PLOD1: variants seen among roughly 807,000 people sequenced by gnomAD.
The protein encoded by PLOD1 is lysine hydroxylase.
PLOD1 carries 70 observed loss-of-function variants against 94.7 expected under a neutral mutation model. That is an observed-to-expected ratio of 0.74 (90% CI 0.61 to 0.90). The LOEUF (loss-of-function observed/expected upper bound fraction) is 0.90, where lower values mean the gene tolerates loss of function less well. Among genes scored for constraint, PLOD1 ranks in the 40% least tolerant of loss-of-function variants. The pLI is 0.00. For synonymous variants in PLOD1, 417 were observed against 400.2 expected (o/e 1.04, Z -0.50); for missense variants, 905 against 972.7 (o/e 0.93, Z 0.93).
At chr1:11,936,851 CT>C (rs111736832) in intron 1 of PLOD1, among the ~76,000 whole-genome samples, 98 of 140,926 alleles carry the variant, frequency 7.0e-4, no homozygotes, top group Admixed American at 1.7e-3. Context: ...TCTTTTCTTT[CT>C]TTTTTTTTTT....
rs1557485598 is a variant in PLOD1, at chr1:11,948,073, G to GAA, written c.168+6_168+7insAA. 1 of 1,594,208 alleles carries GAA rather than the reference G, an allele frequency of 6.3e-7. No homozygotes were observed. Among genetic ancestry groups the GAA allele is most frequent in the Admixed American group, 1.7e-5 (1 of 59,990 alleles). On this transcript the variant is annotated splice_region_variant and intron_variant, in intron 2 of 18. Transcript: ENST00000196061. ...TCTTCAACTACAAGATCCAGGTAAG[G>GAA]GGTTTCCTGGGTGAGGCAGAGACAG...
chr1:11,970,860 T>C, intron 17 of PLOD1, 44 bp downstream of exon 17: 1 of 1,185,848 alleles, frequency 8.4e-7, no homozygotes, highest in Non-Finnish European at 1.1e-6. Context: ...GACAGTTGGG[T>C]GGGGTGTCAG....
chr1:11,949,983 A>T, intron 3 of PLOD1, 77 bp downstream of exon 3: 1 of 1,473,030 alleles, frequency 6.8e-7, no homozygotes, highest in South Asian at 1.1e-5. Flanking sequence ...GCCCTCCCAG[A>T]ACATCGGGGA....
intron 2 of PLOD1, among the ~76,000 whole-genome samples, chr1:11,949,099 G>A (rs547595483): frequency 1.3e-5 from 2 of 152,316 alleles, no homozygotes; most frequent in Admixed American, 6.5e-5. Context: ...TTTAATCGTG[G>A]TGGCAAGATG....
chr1:11,965,415 AG>A, intron 13 of PLOD1, 64 bp from the exon 14 acceptor site: 1 of 737,690 alleles, frequency 1.4e-6, no homozygotes, highest in South Asian at 1.4e-5. Flanking sequence ...GGGAGCGTGC[AG>A]GGGAGGGGTG....
chr1:11,959,679 GTGA>G (rs961301072), intron 9 of PLOD1, among the ~76,000 whole-genome samples: 1 of 147,592 alleles, frequency 6.8e-6, no homozygotes, highest in Admixed American at 6.7e-5. Context: ...GTGCAATGGC[GTGA>G]TCTCAGCTCA....
At chr1:11,952,867 C>T in intron 5 of PLOD1, 132 bp downstream of exon 5, 1 of 652,286 alleles carries the variant, frequency 1.5e-6, no homozygotes, top group Non-Finnish European at 2.8e-6. Flanking sequence ...GACAAACTGC[C>T]ATAGGCTGGG....
intron 4 of PLOD1, among the ~76,000 whole-genome samples, chr1:11,951,621 T>A (rs1042880307): frequency 1.4e-5 from 2 of 146,220 alleles, no homozygotes; most frequent in East Asian, 2.0e-4. Flanking sequence ...ATATAATAAT[T>A]TATATAATAT....
intron 1 of PLOD1, among the ~76,000 whole-genome samples, chr1:11,938,759 G>A (rs969817013): frequency 2.0e-5 from 3 of 152,140 alleles, no homozygotes; most frequent in African/African-American, 4.8e-5. Flanking sequence ...CACCCAAAAC[G>A]CATGGCCTTG....
chr1:11,942,150 T>G (rs1454050942), intron 1 of PLOD1, among the ~76,000 whole-genome samples: 15 of 152,024 alleles, frequency 9.9e-5, no homozygotes, highest in Non-Finnish European at 5.9e-5. Context: ...GTCTAGCTAA[T>G]TTTTGTATTT....
chr1:11,961,988 C>T (rs1645780813), intron 10 of PLOD1, among the ~76,000 whole-genome samples: 1 of 152,162 alleles, frequency 6.6e-6, no homozygotes, highest in Non-Finnish European at 1.5e-5. Flanking sequence ...GAGGTTTCAC[C>T]ATGTTTTCCA....
chr1:11,937,322 T>C (rs61776484), intron 1 of PLOD1, among the ~76,000 whole-genome samples: 3 of 152,206 alleles, frequency 2.0e-5, no homozygotes, highest in Non-Finnish European at 4.4e-5. Flanking sequence ...GGGGATGAAG[T>C]TGGGGAGAGT....
At chr1:11,956,348 C>T (rs1406050600) in intron 6 of PLOD1, among the ~76,000 whole-genome samples, 1 of 152,184 alleles carries the variant, frequency 6.6e-6, no homozygotes, top group Non-Finnish European at 1.5e-5. Flanking sequence ...CATGCCACTA[C>T]ACTCCACACT....
chr1:11,965,686 C>T, intron 14 of PLOD1, 93 bp downstream of exon 14: 1 of 801,976 alleles, frequency 1.2e-6, no homozygotes, highest in Non-Finnish European at 2.1e-6. Context: ...TTACAACAGC[C>T]AGGACCCCTG....
At chr1:11,952,559 G>A in intron 4 of PLOD1, 64 bp from the exon 5 acceptor site, 1 of 1,128,254 alleles carries the variant, frequency 8.9e-7, no homozygotes, top group East Asian at 2.3e-5. Context: ...GGTGGGAGGA[G>A]GCCCCTGACT....
chr1:11,956,965 T>C lies in PLOD1; in HGVS notation c.692T>C (p.Leu231Pro). The stretch of plus-strand genomic sequence containing the variant: ...ATGGGCCATGTGAGAGCGAGGAACC[T>C]GGCCTATGACACCCTCCCGGTCCTG... ...FEMGHVRARN[L>P]AYDTLPVLIH... The change falls in exon 7 of 19, where the codon CTG becomes CCG. Residue 231 changes from leucine to proline, a missense_variant. Leu to Pro is a moderately conservative substitution (Grantham distance 98). Transcript: ENST00000196061. The C allele has an allele frequency of 6.2e-7, 1 of 1,613,938 alleles. No individual in the cohort carries two copies. Among genetic ancestry groups the C allele is most frequent in the Non-Finnish European group, 8.5e-7 (1 of 1,179,876 alleles).
chr1:11,963,561 CCTA>C lies in PLOD1; in HGVS notation c.1133_1135del (p.Tyr378del). Reference sequence around the variant, plus strand: ...CTGTGCCGGCAGGACCGCAGCTGCACCTACTACTTCAGCGTGGATGCTGACGTG... The same window carrying C: ...CTGTGCCGGCAGGACCGCAGCTGCACCTACTTCAGCGTGGATGCTGACGTG... On this transcript the variant is annotated inframe_deletion, in exon 11 of 19. Coordinates refer to ENST00000196061, the MANE Select transcript of PLOD1 (RefSeq NM_000302.4). The surrounding 1 kb of genome is among the most constrained non-coding windows in gnomAD (Gnocchi z 4.3). 1 of 1,603,830 alleles carries C rather than the reference CCTA, an allele frequency of 6.2e-7. No individual in the cohort carries two copies. Among genetic ancestry groups the C allele is most frequent in the South Asian group, 1.1e-5 (1 of 88,684 alleles).
chr1:11,962,263 ATTTTTGTTTTC>A (rs1557494553), intron 10 of PLOD1, among the ~76,000 whole-genome samples: 1 of 103,126 alleles, frequency 9.7e-6, no homozygotes, highest in East Asian at 3.4e-4. Flanking sequence ...TCTTCTTTTG[ATTTTTGTTTTC>A]TTTTTTTTTT....
intron 1 of PLOD1, among the ~76,000 whole-genome samples, chr1:11,941,633 C>G (rs1262681347): frequency 1.3e-5 from 2 of 152,044 alleles, no homozygotes; most frequent in Admixed American, 1.3e-4. Flanking sequence ...GCGCCTGCCA[C>G]CATGCCCAGC....
Sources: allele counts gnomAD v4.1 joint callset (sites outside exome capture counted in the v4.1 genomes callset), GRCh38; gene constraint gnomAD v4.1.1; non-coding constraint Gnocchi (gnomAD v3.1); transcripts MANE v1.5; gene names NCBI Gene and HGNC (gene_info 2026-07-23, HGNC 2026-07-21).